Variants in GBE1 observed in about 807,000 individuals in gnomAD.
GBE1 encodes the protein 1,4-alpha-glucan branching enzyme 1.
In GBE1, 70 loss-of-function variants were observed where a neutral mutation model predicts 88.8. The ratio of observed to expected loss-of-function variants is 0.79; its 90% confidence interval spans 0.65 to 0.96. The LOEUF is 0.96. Among genes scored for constraint, GBE1 ranks in the 40% least tolerant of loss-of-function variants. The probability of loss-of-function intolerance (pLI) is 0.00; values close to 1 mark genes in which losing one functional copy is unlikely to be tolerated. For missense variants in GBE1, 872 were observed against 871.0 expected (o/e 1.00, Z -0.01); for synonymous variants, 284 against 300.1 (o/e 0.95, Z 0.56).
chr3:81,542,800 G>A (rs561348202), intron 12 of GBE1, among the ~76,000 whole-genome samples: 1 of 152,116 alleles, frequency 6.6e-6, no homozygotes, highest in Non-Finnish European at 1.5e-5. Flanking sequence ...TCAGTGTCAT[G>A]CAATATATCC....
At chr3:81,732,658 C>A (rs955079812) in intron 1 of GBE1, among the ~76,000 whole-genome samples, 1 of 152,142 alleles carries the variant, frequency 6.6e-6, no homozygotes, top group Admixed American at 6.6e-5. Context: ...GATACTGATT[C>A]AAGTCACCAT....
intron 7 of GBE1, among the ~76,000 whole-genome samples, chr3:81,620,640 C>T (rs1576172982): frequency 6.6e-6 from 1 of 151,814 alleles, no homozygotes. Flanking sequence ...ATGACGTGGT[C>T]CGGTAAAAAG....
At chr3:81,719,212 T>G (rs1400697654) in intron 1 of GBE1, among the ~76,000 whole-genome samples, 1 of 152,136 alleles carries the variant, frequency 6.6e-6, no homozygotes, top group Non-Finnish European at 1.5e-5. Flanking sequence ...TCGGTTTTTT[T>G]GTTCGTTTGG....
rs1035781752 is a variant in GBE1, at chr3:81,635,432, C to T, written c.992+7349G>A. ...TATATTACTTATATATGGATGCTTT[C>T]GAAATTATAAGAAAAACCTATATTT... On this transcript the variant is annotated intron_variant, in intron 7 of 15. Transcript: ENST00000429644. Among the ~76,000 whole-genome samples the T allele has an allele frequency of 4.6e-5, 7 of 152,106 alleles. No individual in the cohort carries two copies. The South Asian group carries it at 6.2e-4, about 14-fold the overall frequency.
intron 7 of GBE1, among the ~76,000 whole-genome samples, chr3:81,599,498 G>T (rs944300775): frequency 6.6e-6 from 1 of 152,126 alleles, no homozygotes; most frequent in African/African-American, 2.4e-5. Flanking sequence ...AGGCTATATG[G>T]TATACAGCAT....
Position 81,721,210 on chromosome 3 carries a change from AAT to A in GBE1, c.144-15599_144-15598del, listed in dbSNP as rs1165421737. Among the ~76,000 whole-genome samples the A allele has an allele frequency of 1.8e-4, 18 of 97,834 alleles. No homozygotes were observed. The East Asian group carries it at 3.4e-3, about 18-fold the overall frequency. 64.2% of individuals were successfully genotyped at this position (97,834 alleles called of 152,430 possible). ...AAAACTTAGAGTATAATAAAAAATAAATAAATAAATAAATAAATAAATAAAAA... is the reference window on the plus strand; with the variant it reads ...AAAACTTAGAGTATAATAAAAAATAAAAATAAATAAATAAATAAATAAAAA... On this transcript the variant is annotated intron_variant, in intron 1 of 15. Coordinates refer to ENST00000429644, the MANE Select transcript of GBE1 (RefSeq NM_000158.4).
chr3:81,678,814 T>C (rs982472133), intron 2 of GBE1, among the ~76,000 whole-genome samples: 1 of 152,098 alleles, frequency 6.6e-6, no homozygotes, highest in African/African-American at 2.4e-5. Context: ...AATATAAATA[T>C]GTGGGAATAA....
chr3:81,678,007 CA>C (rs1379640116), intron 2 of GBE1, among the ~76,000 whole-genome samples: 1 of 152,106 alleles, frequency 6.6e-6, no homozygotes, highest in East Asian at 1.9e-4. Flanking sequence ...GAAAATAAAT[CA>C]AATACAGTCA....
chr3:81,556,778 AG>A (rs1232415308), intron 12 of GBE1, among the ~76,000 whole-genome samples: 1 of 152,112 alleles, frequency 6.6e-6, no homozygotes, highest in African/African-American at 2.4e-5. Flanking sequence ...TCCAGTCTCC[AG>A]TTAAATAAAG....
chr3:81,563,300 G>A (rs1197481736), intron 12 of GBE1, among the ~76,000 whole-genome samples: 1 of 152,098 alleles, frequency 6.6e-6, no homozygotes, highest in East Asian at 1.9e-4. Flanking sequence ...AGCAAAATTA[G>A]AAAGGCGAGA....
intron 2 of GBE1, among the ~76,000 whole-genome samples, chr3:81,692,360 A>G (rs115351699): frequency 0.028 from 4,309 of 152,256 alleles, 221 homozygotes; most frequent in African/African-American, 0.094. Context: ...TTGCTTTTCA[A>G]CCTCAATAAC....
intron 1 of GBE1, among the ~76,000 whole-genome samples, chr3:81,759,682 C>T (rs1449186247): frequency 6.6e-6 from 1 of 152,182 alleles, no homozygotes; most frequent in Non-Finnish European, 1.5e-5. Context: ...GACTTTTCAC[C>T]AAGCACACTG....
At chr3:81,535,348 T>TA in intron 13 of GBE1, 23 bp from the exon 14 acceptor site, 1 of 1,581,618 alleles carries the variant, frequency 6.3e-7, no homozygotes, top group South Asian at 1.2e-5. Flanking sequence ...GCACACATGT[T>TA]ACATTTAAAT....
intron 14 of GBE1, among the ~76,000 whole-genome samples, chr3:81,532,155 T>C (rs1005216313): frequency 1.3e-5 from 2 of 152,032 alleles, no homozygotes; most frequent in Middle Eastern, 3.4e-3. Flanking sequence ...TCTGTGCCTC[T>C]TTGCTTGAAA....
intron 3 of GBE1, among the ~76,000 whole-genome samples, chr3:81,653,689 A>G (rs1704885161): frequency 6.6e-6 from 1 of 152,230 alleles, no homozygotes; most frequent in South Asian, 2.1e-4. Context: ...TAAGCATATT[A>G]AAGGTTGCAG....
At chr3:81,525,289 C>T (rs1027867973) in intron 14 of GBE1, among the ~76,000 whole-genome samples, 3 of 151,930 alleles carry the variant, frequency 2.0e-5, no homozygotes, top group Non-Finnish European at 2.9e-5. Flanking sequence ...TTGAGATAAT[C>T]ATGTGGTTTT....
chr3:81,547,056 A>T (rs915781232), intron 12 of GBE1, among the ~76,000 whole-genome samples: 7 of 151,340 alleles, frequency 4.6e-5, no homozygotes, highest in African/African-American at 1.7e-4. Flanking sequence ...GAAACTAAAG[A>T]GACCCCCAAC....
chr3:81,738,050 G>A (rs1460943300), intron 1 of GBE1, among the ~76,000 whole-genome samples: 2 of 151,468 alleles, frequency 1.3e-5, no homozygotes, highest in East Asian at 3.9e-4. Context: ...ATGATTTCCA[G>A]TTTCATCCAT....
intron 3 of GBE1, among the ~76,000 whole-genome samples, chr3:81,655,720 A>G (rs1317773028): frequency 2.0e-5 from 3 of 151,966 alleles, no homozygotes. Flanking sequence ...GGGTTTCACC[A>G]TGTCGGCCAG....
Sources: allele counts gnomAD v4.1 joint callset (sites outside exome capture counted in the v4.1 genomes callset), GRCh38; gene constraint gnomAD v4.1.1; transcripts MANE v1.5; gene names NCBI Gene and HGNC (gene_info 2026-07-23, HGNC 2026-07-21).